Variants in LOC400499 observed in about 807,000 individuals in gnomAD.
the LOC400499 span, among the ~76,000 whole-genome samples, chr16:11,380,332 T>G: frequency 6.6e-6 from 1 of 152,048 alleles, no homozygotes; most frequent in Admixed American, 6.6e-5. Context: ...ATGTCTTAAT[T>G]TCTCTGGCCG....
the LOC400499 span, chr16:11,430,905 C>T: frequency 2.5e-6 from 1 of 397,404 alleles, no homozygotes; most frequent in East Asian, 3.6e-5. Context: ...ACCCCTTTAT[C>T]TAAACCTGTA....
the LOC400499 span, among the ~76,000 whole-genome samples, chr16:11,438,704 G>A: frequency 7.5e-4 from 114 of 151,224 alleles, no homozygotes; most frequent in African/African-American, 2.5e-3. Flanking sequence ...TGGGAGGACC[G>A]CTTGACCCCA....
the LOC400499 span, among the ~76,000 whole-genome samples, chr16:11,448,733 TAAGAA>T: frequency 4.0e-5 from 6 of 148,774 alleles, no homozygotes; most frequent in African/African-American, 1.2e-4. Flanking sequence ...AAAAAATATA[TAAGAA>T]AAGAAGGAAA....
the LOC400499 span, chr16:11,424,333 C>T: frequency 2.5e-5 from 10 of 399,676 alleles, no homozygotes; most frequent in African/African-American, 6.2e-5. Flanking sequence ...ATCCCTGCCT[C>T]GGAGGGGAGT....
the LOC400499 span, among the ~76,000 whole-genome samples, chr16:11,379,452 A>G: frequency 2.7e-4 from 41 of 152,216 alleles, no homozygotes; most frequent in African/African-American, 8.4e-4. Flanking sequence ...ATTTTGTCTG[A>G]TATTAGTATA....
chr16:11,438,609 A>C, the LOC400499 span, among the ~76,000 whole-genome samples: 3 of 80,396 alleles, frequency 3.7e-5, no homozygotes, highest in East Asian at 1.2e-3. Context: ...TGTCTCTGCA[A>C]AAAAAAAAAA....
the LOC400499 span, chr16:11,372,073 A>C: frequency 6.6e-6 from 1 of 152,246 alleles, no homozygotes; most frequent in African/African-American, 2.4e-5. Context: ...TTACATTCCC[A>C]AAAGAAAGTA....
the LOC400499 span, among the ~76,000 whole-genome samples, chr16:11,486,636 T>C: frequency 4.7e-3 from 1 of 214 alleles, no homozygotes; most frequent in Non-Finnish European, 7.7e-3. Flanking sequence ...GGGTGGGTGG[T>C]GGGTGGGTTG....
the LOC400499 span, among the ~76,000 whole-genome samples, chr16:11,376,871 C>T: frequency 3.4e-3 from 519 of 152,038 alleles, 3 homozygotes; most frequent in African/African-American, 0.012. Context: ...GACTCTACAT[C>T]CTGCCAAAAT....
the LOC400499 span, among the ~76,000 whole-genome samples, chr16:11,394,272 G>C: frequency 6.6e-6 from 1 of 152,222 alleles, no homozygotes; most frequent in East Asian, 1.9e-4. Flanking sequence ...GCAGGGACCA[G>C]GACAGGCGAG....
the LOC400499 span, among the ~76,000 whole-genome samples, chr16:11,444,520 G>A: frequency 1.3e-5 from 2 of 152,126 alleles, no homozygotes; most frequent in Admixed American, 6.5e-5. Context: ...TATTATTCAC[G>A]GTGCTCTTGA....
At chr16:11,445,773 G>A in the LOC400499 span, among the ~76,000 whole-genome samples, 1 of 151,980 alleles carries the variant, frequency 6.6e-6, no homozygotes, top group Admixed American at 6.6e-5. Context: ...ATATCCCTCT[G>A]ACTGTCACAT....
At chr16:11,399,566 G>A in the LOC400499 span, 3 of 398,684 alleles carry the variant, frequency 7.5e-6, no homozygotes, top group Non-Finnish European at 1.3e-5. Flanking sequence ...GGCCCCGCAG[G>A]CCTGGAGGCT....
chr16:11,417,313 A>G, the LOC400499 span, among the ~76,000 whole-genome samples: 1 of 152,054 alleles, frequency 6.6e-6, no homozygotes, highest in African/African-American at 2.4e-5. Flanking sequence ...TGCAACCTCA[A>G]CCTTCTGGCT....
At chr16:11,503,559 C>G in the LOC400499 span, among the ~76,000 whole-genome samples, 1 of 152,200 alleles carries the variant, frequency 6.6e-6, no homozygotes, top group Non-Finnish European at 1.5e-5. Context: ...CAGAGGTCCT[C>G]CGAGGCTGGG....
the LOC400499 span, chr16:11,372,275 G>C: frequency 6.6e-6 from 1 of 152,230 alleles, no homozygotes; most frequent in African/African-American, 2.4e-5. Flanking sequence ...TGCCTGAAAA[G>C]ACCCCTGGAT....
the LOC400499 span, among the ~76,000 whole-genome samples, chr16:11,388,838 A>AT: frequency 6.6e-6 from 1 of 151,912 alleles, no homozygotes; most frequent in Admixed American, 6.6e-5. Context: ...GCTCATGCCT[A>AT]TAATCCCAGC....
the LOC400499 span, chr16:11,456,759 A>T: frequency 2.1e-6 from 3 of 1,396,572 alleles, no homozygotes; most frequent in East Asian, 7.5e-5. Flanking sequence ...CTAGCCAACA[A>T]AAGGAAAAGG....
At chr16:11,457,268 A>G in the LOC400499 span, 1 of 506,802 alleles carries the variant, frequency 2.0e-6, no homozygotes, top group Non-Finnish European at 3.5e-6. Flanking sequence ...TAGTGCAGCT[A>G]CTGTGGAAAA....
Sources: allele counts gnomAD v4.1 joint callset (sites outside exome capture counted in the v4.1 genomes callset), GRCh38; gene constraint gnomAD v4.1.1; transcripts MANE v1.5.